SDK1: variants seen among roughly 807,000 people sequenced by gnomAD.
SDK1 encodes sidekick cell adhesion molecule 1.
Under a neutral mutation model 245.5 loss-of-function variants are expected in SDK1, and 157 were observed. The observed-to-expected ratio is 0.64, with a 90% CI of 0.56 to 0.73. The LOEUF (loss-of-function observed/expected upper bound fraction) is 0.73, where lower values mean the gene tolerates loss of function less well. Ranked by LOEUF, SDK1 falls within the 30% of genes least tolerant of loss-of-function variation. SDK1 has a pLI of 0.00. For missense variants in SDK1, 3,583 were observed against 3,002.3 expected (o/e 1.19, Z -4.52); for synonymous variants, 1,647 against 1,278.5 (o/e 1.29, Z -6.15).
intron 1 of SDK1, among the ~76,000 whole-genome samples, chr7:3,538,843 C>G (rs1278819762): frequency 6.6e-6 from 1 of 152,130 alleles, no homozygotes; most frequent in Non-Finnish European, 1.5e-5. Context: ...TAGAAGAGGG[C>G]CAAAGAAAGT....
chr7:3,792,726 G>C (rs999946500), intron 4 of SDK1, among the ~76,000 whole-genome samples: 3 of 149,148 alleles, frequency 2.0e-5, no homozygotes, highest in African/African-American at 7.5e-5. Context: ...CCATCCGTCT[G>C]TCCATCCATC....
intron 1 of SDK1, among the ~76,000 whole-genome samples, chr7:3,403,897 A>G (rs1402794340): frequency 1.5e-5 from 2 of 136,904 alleles, no homozygotes; most frequent in African/African-American, 5.5e-5. Context: ...TATTATATAT[A>G]TATTTATTTA....
intron 22 of SDK1, among the ~76,000 whole-genome samples, chr7:4,105,920 G>A (rs1331639824): frequency 1.3e-5 from 2 of 152,214 alleles, no homozygotes; most frequent in African/African-American, 4.8e-5. Context: ...GGCTGCAGGA[G>A]GAAGTGCAGG....
chr7:3,556,311 A>C (rs1166360261), intron 1 of SDK1, among the ~76,000 whole-genome samples: 1 of 152,200 alleles, frequency 6.6e-6, no homozygotes, highest in African/African-American at 2.4e-5. Flanking sequence ...AGAAGGACAA[A>C]CTTCATGTGT....
At chr7:3,544,817 G>C (rs1207367499) in intron 1 of SDK1, among the ~76,000 whole-genome samples, 1 of 152,206 alleles carries the variant, frequency 6.6e-6, no homozygotes, top group Non-Finnish European at 1.5e-5. Flanking sequence ...TGCACAGTTA[G>C]TGTGGGTTGA....
intron 5 of SDK1, among the ~76,000 whole-genome samples, chr7:3,874,268 G>T (rs368066013): frequency 2.6e-5 from 4 of 152,180 alleles, no homozygotes; most frequent in Non-Finnish European, 5.9e-5. Context: ...ACTTGTCTCC[G>T]TATCTGCTCC....
intron 1 of SDK1, among the ~76,000 whole-genome samples, chr7:3,492,668 C>T (rs1171262835): frequency 6.6e-6 from 1 of 152,154 alleles, no homozygotes; most frequent in African/African-American, 2.4e-5. Flanking sequence ...TAACAAGTGC[C>T]CTGTTGCTTC....
At chr7:4,015,003 G>A (rs1274128840) in intron 16 of SDK1, among the ~76,000 whole-genome samples, 1 of 152,068 alleles carries the variant, frequency 6.6e-6, no homozygotes, top group Non-Finnish European at 1.5e-5. Flanking sequence ...GGCTCATGCA[G>A]GTGTAGTTCC....
At chr7:4,099,626 G>C (rs1480063389) in intron 22 of SDK1, among the ~76,000 whole-genome samples, 1 of 135,530 alleles carries the variant, frequency 7.4e-6, no homozygotes. Flanking sequence ...GCTGCTTGCT[G>C]TCTCTGGGAA....
At chr7:3,484,749 A>G (rs1006187005) in intron 1 of SDK1, among the ~76,000 whole-genome samples, 6 of 152,186 alleles carry the variant, frequency 3.9e-5, no homozygotes, top group Non-Finnish European at 7.3e-5. Flanking sequence ...CATAGGAGTG[A>G]GAACATGGGA....
At chr7:3,742,397 G>A (rs555391896) in intron 4 of SDK1, among the ~76,000 whole-genome samples, 6 of 152,100 alleles carry the variant, frequency 3.9e-5, no homozygotes, top group Admixed American at 2.0e-4. Flanking sequence ...CTCTACTTCC[G>A]GTAAGGAGAA....
At chr7:3,603,265 C>T (rs548361176) in intron 1 of SDK1, among the ~76,000 whole-genome samples, 36 of 144,806 alleles carry the variant, frequency 2.5e-4, no homozygotes, top group African/African-American at 8.4e-4. Flanking sequence ...CTGTAAATTA[C>T]CTTGGGCAGT....
chr7:3,609,611 A>G (rs1004341102), intron 1 of SDK1, among the ~76,000 whole-genome samples: 47 of 152,190 alleles, frequency 3.1e-4, no homozygotes, highest in African/African-American at 1.1e-3. Flanking sequence ...TGTGTTTGCC[A>G]GGATGGTCTC....
At chr7:4,254,876 C>A (rs1168837983) in intron 44 of SDK1, among the ~76,000 whole-genome samples, 1 of 152,120 alleles carries the variant, frequency 6.6e-6, no homozygotes, top group Admixed American at 6.5e-5. Flanking sequence ...TGCTGCCTAC[C>A]AGGGATGACT....
intron 1 of SDK1, among the ~76,000 whole-genome samples, chr7:3,489,810 A>C (rs989498072): frequency 1.3e-5 from 2 of 152,252 alleles, no homozygotes; most frequent in African/African-American, 4.8e-5. Context: ...TATACATGGT[A>C]AATGCAGCAA....
intron 5 of SDK1, among the ~76,000 whole-genome samples, chr7:3,949,428 G>T (rs1003916877): frequency 1.3e-5 from 2 of 152,184 alleles, no homozygotes; most frequent in Non-Finnish European, 2.9e-5. Context: ...TCTCTTTCCC[G>T]TTGTTCTCTC....
At chr7:4,061,592 G>A (rs1179773616) in intron 19 of SDK1, among the ~76,000 whole-genome samples, 11 of 152,072 alleles carry the variant, frequency 7.2e-5, no homozygotes, top group Non-Finnish European at 1.6e-4. Flanking sequence ...CAGGGATCTA[G>A]GACTAGAAAT....
chr7:3,557,562 C>T lies in SDK1; in HGVS notation c.299-61518C>T, dbSNP rs187496479. On this transcript the variant is annotated intron_variant, in intron 1 of 44. Coordinates refer to ENST00000404826, the MANE Select transcript of SDK1 (RefSeq NM_152744.4). ...CTAACATTTTATAGAATTAAGTACA[C>T]ACCTACAAGTAAATATCAAACTGAG... Among the ~76,000 whole-genome samples the T allele has an allele frequency of 1.1e-4, 17 of 152,274 alleles. No individual in the cohort carries two copies. The East Asian group carries it at 2.7e-3, about 24-fold the overall frequency.
intron 4 of SDK1, among the ~76,000 whole-genome samples, chr7:3,653,775 C>T (rs891915346): frequency 1.3e-5 from 2 of 152,118 alleles, no homozygotes; most frequent in South Asian, 2.1e-4. Context: ...TGAAGGCCTT[C>T]TGGAGCTGCT....
Sources: gnomAD v4.1 joint callset for allele counts (sites outside exome capture counted in the v4.1 genomes callset) on GRCh38, gnomAD v4.1.1 for gene constraint, MANE v1.5 for transcripts, NCBI Gene and HGNC (gene_info 2026-07-23, HGNC 2026-07-21) for gene names.